The following UGT2B10 variants were observed in gnomAD, a reference collection of about 807,000 sequenced individuals.
UGT2B10 encodes UDP glucuronosyltransferase family 2 member B10, also known as UDP-glucuronosyltransferase 2B10.
In UGT2B10, 51 loss-of-function variants were observed where a neutral mutation model predicts 43.7. That is an observed-to-expected ratio of 1.17 (90% CI 0.93 to 1.47). The LOEUF is 1.47. Ranked by LOEUF, UGT2B10 falls within the 40% of genes most tolerant of loss-of-function variation. The probability of loss-of-function intolerance (pLI) is 0.00; values close to 1 mark genes in which losing one functional copy is unlikely to be tolerated. For synonymous variants in UGT2B10, 225 were observed against 209.0 expected, an observed-to-expected ratio of 1.08 and a Z score of -0.66; for missense variants, 696 against 617.7, an observed-to-expected ratio of 1.13 and a Z score of -1.34.
intron 3 of UGT2B10, among the ~76,000 whole-genome samples, chr4:68,824,085 G>T (rs1470872245): frequency 6.6e-6 from 1 of 152,216 alleles, no homozygotes; most frequent in Non-Finnish European, 1.5e-5. Context: ...AGTCTGACAT[G>T]CATCATGCAG....
At chr4:68,821,283 C>T (rs910327108) in intron 2 of UGT2B10, among the ~76,000 whole-genome samples, 4 of 152,094 alleles carry the variant, frequency 2.6e-5, no homozygotes, top group Admixed American at 1.3e-4. Flanking sequence ...GAATAATTCT[C>T]AATCAATTGC....
intron 5 of UGT2B10, 40 bp downstream of exon 5, chr4:68,827,588 A>T (rs753029853): frequency 1.7e-5 from 28 of 1,609,014 alleles, no homozygotes; most frequent in Non-Finnish European, 2.2e-5. Context: ...GTATTAATAG[A>T]TAGCTTTTCT....
At chr4:68,817,187 C>T (rs1737256342) in intron 1 of UGT2B10, among the ~76,000 whole-genome samples, 1 of 151,640 alleles carries the variant, frequency 6.6e-6, no homozygotes. Flanking sequence ...AAGATGTTCC[C>T]ATGTTACCAG....
rs1022284521 is a variant in UGT2B10 at position 68,816,369 on chromosome 4, C to T, written c.350C>T (p.Ala117Val). 6 of 1,612,510 alleles carry T rather than the reference C, an allele frequency of 3.7e-6. No individual in the cohort carries two copies. The highest frequency in any genetic ancestry group is 1.3e-5 in the African/African-American group (1 of 74,808). Residue 117 changes from alanine to valine, a missense_variant, in exon 1 of 6, where the codon GCA (alanine) becomes GTA (valine). Coordinates refer to ENST00000265403, the MANE Select transcript of UGT2B10 (RefSeq NM_001075.6). ...TCACAAGAACAAGAAATCCTGTGGGCAATTAATGACATAATTAGAAACTTC... is the reference window on the plus strand; with the variant it reads ...TCACAAGAACAAGAAATCCTGTGGGTAATTAATGACATAATTAGAAACTTC... ...PFSQEQEILW[A>V]INDIIRNFCK...
rs1215237960 is a variant in UGT2B10, at chr4:68,818,041, C to T, written c.731C>T (p.Thr244Ile). The T allele has an allele frequency of 6.2e-7, 1 of 1,609,594 alleles. No individual in the cohort carries two copies. The highest frequency in any genetic ancestry group is 2.2e-5 in the East Asian group (1 of 44,724). The stretch of plus-strand genomic sequence containing the variant: ...TTATTCCTATCAGGAAGACCCACTA[C>T]ATTATCTGAGACAATGAGGAAAGCT... ...FYSEVLGRPT[T>I]LSETMRKADI... is the part of the protein sequence containing the mutation. The change falls in exon 2 of 6, where the codon ACA becomes ATA. Residue 244 changes from threonine to isoleucine, a missense_variant. Transcript: ENST00000265403.
chr4:68,818,857 G>T (rs554966624), intron 2 of UGT2B10, among the ~76,000 whole-genome samples: 23 of 151,932 alleles, frequency 1.5e-4, no homozygotes, highest in African/African-American at 5.3e-4. Context: ...AGCCAGATAC[G>T]TATTAGGAGT....
intron 2 of UGT2B10, 33 bp downstream of exon 2, chr4:68,818,210 G>A (rs758719994): frequency 4.4e-6 from 7 of 1,601,780 alleles, no homozygotes; most frequent in South Asian, 1.1e-5. Flanking sequence ...TATTTTGTTG[G>A]CTTCAAATTT....
At chr4:68,818,302 T>TA in intron 2 of UGT2B10, 125 bp downstream of exon 2, 1 of 1,507,772 alleles carries the variant, frequency 6.6e-7, no homozygotes, top group Non-Finnish European at 8.9e-7. Context: ...GTAAAGCAGA[T>TA]ACCAATTAGA....
At chr4:68,817,823 T>C (rs531368727) in intron 1 of UGT2B10, among the ~76,000 whole-genome samples, 23 of 151,968 alleles carry the variant, frequency 1.5e-4, no homozygotes, top group Non-Finnish European at 2.7e-4. Flanking sequence ...ATTCTCCCAC[T>C]ACTTTGCCTT....
rs1032641982 is a variant in UGT2B10, at chr4:68,831,078, G to A, written c.*199G>A. ...GTTAGAAATATTCTGTGGCAATGAA[G>A]AAAACACTAGGGGAAATAAAAAATA... On this transcript the variant is annotated 3_prime_UTR_variant, in exon 6 of 6. Coordinates refer to ENST00000265403, the MANE Select transcript of UGT2B10 (RefSeq NM_001075.6). 4.5e-6 allele frequency: 3 copies of A among 664,046 alleles called. No individual in the cohort carries two copies. The highest frequency in any genetic ancestry group is 3.3e-4 in the Middle Eastern group (1 of 3,070). The allele number at this position is 664,046 out of a possible 1,614,324, so 41.1% of individuals were successfully genotyped here. A position where few individuals can be genotyped will look rare whatever the true frequency, so the allele number is the denominator to read the frequency against.
chr4:68,827,469 G>C lies in UGT2B10; in HGVS notation c.1228G>C (p.Ala410Pro), dbSNP rs71615102. 1 of 1,613,004 alleles carries C rather than the reference G, an allele frequency of 6.2e-7. No homozygotes were observed. Among genetic ancestry groups the C allele is most frequent in the African/African-American group, 1.3e-5 (1 of 74,534 alleles). The change falls in exon 5 of 6, where the codon GCA (alanine) becomes CCA (proline). Residue 410 changes from alanine (A) to proline (P), a missense_variant. By Grantham distance (27) the Ala-to-Pro change is conservative. Coordinates refer to ENST00000265403, the MANE Select transcript of UGT2B10 (RefSeq NM_001075.6). ...DNIAHMKAKG[A>P]AVRVDFNTMS... Reference sequence around the variant, plus strand: ...TATTGCTCACATGAAGGCCAAGGGAGCAGCTGTTAGAGTGGACTTCAACAC... The same window carrying C: ...TATTGCTCACATGAAGGCCAAGGGACCAGCTGTTAGAGTGGACTTCAACAC...
At chr4:68,826,002 A>G (rs1387781068) in intron 3 of UGT2B10, among the ~76,000 whole-genome samples, 3 of 151,962 alleles carry the variant, frequency 2.0e-5, no homozygotes, top group Non-Finnish European at 1.5e-5. Flanking sequence ...CAACATCATG[A>G]TATTTTTTGA....
chr4:68,824,039 T>G lies in UGT2B10; in HGVS notation c.999+1637T>G, dbSNP rs115522335. ...AAAAAGTTACGTTTTAATGGGTGAC[T>G]TCAGTAGCACAATAACAATAGCAGG... is the stretch of plus-strand genomic sequence containing the variant. On this transcript the variant is annotated intron_variant, in intron 3 of 5. Transcript: ENST00000265403. Among the ~76,000 whole-genome samples, 998 of 152,322 alleles carry G rather than the reference T, an allele frequency of 6.6e-3. 16 individuals are homozygous for G. The highest frequency in any genetic ancestry group is 0.023 in the African/African-American group (955 of 41,578).
chr4:68,825,783 A>G (rs939411376), intron 3 of UGT2B10, among the ~76,000 whole-genome samples: 2 of 152,128 alleles, frequency 1.3e-5, no homozygotes, highest in Admixed American at 1.3e-4. Flanking sequence ...TATTGTGAAT[A>G]GTAGTGCAAC....
At chr4:68,817,831 C>A (rs1168729373) in intron 1 of UGT2B10, among the ~76,000 whole-genome samples, 198 bp from the exon 2 acceptor site, 2 of 151,604 alleles carry the variant, frequency 1.3e-5, no homozygotes, top group Non-Finnish European at 3.0e-5. Flanking sequence ...ACTACTTTGC[C>A]TTTCTTATAA....
intron 2 of UGT2B10, among the ~76,000 whole-genome samples, 192 bp downstream of exon 2, chr4:68,818,369 TAGAG>T (rs1737328205): frequency 1.3e-5 from 2 of 151,896 alleles, no homozygotes; most frequent in African/African-American, 2.4e-5. Flanking sequence ...ATGTTACAAA[TAGAG>T]AGGAATACTA....
At position 68,831,270 on chromosome 4, in the gene UGT2B10, T is replaced by A. The variant is rs117385512; in HGVS notation, c.*391T>A. 83 of 180,178 alleles carry A rather than the reference T, an allele frequency of 4.6e-4. 1 individual carries two copies. The East Asian group carries it at 7.9e-3, about 17-fold the overall frequency. The allele number at this position is 180,178 out of a possible 1,614,324, so 11.2% of individuals were successfully genotyped here. ...CACCATGTCCAACTAATTTTTTATT[T>A]TTTGTAGTGATGAGATCTCATTGTG... On this transcript the variant is annotated 3_prime_UTR_variant, in exon 6 of 6. Transcript: ENST00000265403.
At chr4:68,818,292 G>A (rs926079883) in intron 2 of UGT2B10, 115 bp downstream of exon 2, 2 of 1,532,730 alleles carry the variant, frequency 1.3e-6, no homozygotes, top group Non-Finnish European at 1.7e-6. Flanking sequence ...AGTAGGTGGG[G>A]TAAAGCAGAT....
intron 3 of UGT2B10, among the ~76,000 whole-genome samples, chr4:68,825,031 C>T (rs1051779698): frequency 1.3e-5 from 2 of 151,952 alleles, no homozygotes; most frequent in African/African-American, 4.8e-5. Context: ...ACCCTTGCAG[C>T]ATTTATTTAT....
Sources: allele counts gnomAD v4.1 joint callset (sites outside exome capture counted in the v4.1 genomes callset), GRCh38; gene constraint gnomAD v4.1.1; transcripts MANE v1.5; gene names NCBI Gene and HGNC (gene_info 2026-07-23, HGNC 2026-07-21).